PARK7: variants seen among roughly 807,000 people sequenced by gnomAD.
PARK7 encodes Parkinson disease protein 7.
In PARK7, 14 loss-of-function variants were observed where a neutral mutation model predicts 20.5. The ratio of observed to expected loss-of-function variants is 0.68; its 90% CI spans 0.45 to 1.07. The LOEUF (loss-of-function observed/expected upper bound fraction) is 1.07. PARK7 is among the 50% of genes least tolerant of loss of function. The pLI is 0.00. For synonymous variants in PARK7, 98 were observed against 84.3 expected (o/e 1.16, Z -0.89); for missense variants, 234 against 238.1 (o/e 0.98, Z 0.11).
At chr1:7,977,985 C>CT (rs34231723) in intron 6 of PARK7, among the ~76,000 whole-genome samples, 611 of 53,574 alleles carry the variant, frequency 0.011, 126 homozygotes, top group African/African-American at 0.018. Context: ...GTCTCAAACT[C>CT]TTTTTTTTTT....
chr1:7,975,928 G>A (rs1640576401), intron 5 of PARK7, among the ~76,000 whole-genome samples: 2 of 152,148 alleles, frequency 1.3e-5, no homozygotes. Context: ...ATACATAGCT[G>A]TCTTGTGTGT....
In PARK7 at chr1:7,984,796, G is replaced by T; in HGVS notation, c.410-98G>T. ...TTTTTGAATGGTTAGCTACAGTGTT[G>T]GGTTTATATGCTGTAATAGTGAATT... On this transcript the variant is annotated intron_variant, in intron 6 of 6. Coordinates refer to ENST00000338639, the MANE Select transcript of PARK7 (RefSeq NM_007262.5). The surrounding 1 kb of genome is among the most constrained non-coding windows in gnomAD (Gnocchi z 4.3). 1 of 1,413,452 alleles carries T rather than the reference G, an allele frequency of 7.1e-7. No individual in the cohort carries two copies. The highest frequency in any genetic ancestry group is 9.9e-7 in the Non-Finnish European group (1 of 1,005,214). 87.6% of individuals were successfully genotyped at this position (1,413,452 alleles called of 1,614,324 possible). A position where few individuals can be genotyped will look rare whatever the true frequency, so the allele number is the denominator to read the frequency against.
In PARK7 at chr1:7,978,400, T is replaced by C. The variant is rs1485560831; in HGVS notation, c.409+662T>C. On this transcript the variant is annotated intron_variant, in intron 6 of 6. Transcript: ENST00000338639. ...CCATATGCCTGTGTGTGGTTTTTTT[T>C]TTTTTTTTGAGATGGAGTCTCTCGC... 3.3e-5 allele frequency among the ~76,000 whole-genome samples: 5 copies of C among 149,952 alleles called. No homozygotes were observed. The East Asian group carries it at 8.0e-4, about 24-fold the overall frequency.
intron 2 of PARK7, among the ~76,000 whole-genome samples, chr1:7,964,543 T>C (rs1640286530): frequency 6.6e-6 from 1 of 152,204 alleles, no homozygotes; most frequent in Non-Finnish European, 1.5e-5. Flanking sequence ...GTAATACGTA[T>C]TCTTGTGTAG....
At chr1:7,964,700 A>C (rs939977701) in intron 2 of PARK7, among the ~76,000 whole-genome samples, 12 of 152,340 alleles carry the variant, frequency 7.9e-5, no homozygotes, top group Non-Finnish European at 1.2e-4. Context: ...CCAGCAGTGT[A>C]GGAAAATTCC....
chr1:7,969,154 C>A, intron 3 of PARK7, 191 bp from the exon 4 acceptor site: 5 of 566,294 alleles, frequency 8.8e-6, no homozygotes, highest in Non-Finnish European at 1.6e-5. Flanking sequence ...TACAGGTTTT[C>A]TGCATTTTTT....
At chr1:7,980,684 C>A (rs958497771) in intron 6 of PARK7, among the ~76,000 whole-genome samples, 1 of 152,142 alleles carries the variant, frequency 6.6e-6, no homozygotes, top group East Asian at 1.9e-4. Flanking sequence ...TCAGTAACCT[C>A]TATTATAAGA....
chr1:7,969,440 T>TG lies in PARK7; in HGVS notation c.252+46dup, dbSNP rs147617838. On this transcript the variant is annotated intron_variant, in intron 4 of 6. Coordinates refer to ENST00000338639, the MANE Select transcript of PARK7 (RefSeq NM_007262.5). ...CTACTCAATTATACCTCAATAAAGCTGGGGGGGGGGAAAAACTAAAGAATT... is the reference window on the plus strand; with the variant it reads ...CTACTCAATTATACCTCAATAAAGCTGGGGGGGGGGGAAAAACTAAAGAATT... 5,940 of 787,580 alleles carry TG rather than the reference T, an allele frequency of 7.5e-3. 12 individuals carry two copies. Among genetic ancestry groups the TG allele is most frequent in the South Asian group, 0.034 (2,128 of 61,916 alleles). 48.8% of individuals were successfully genotyped at this position (787,580 alleles called of 1,614,324 possible).
intron 6 of PARK7, among the ~76,000 whole-genome samples, chr1:7,979,911 C>G (rs1331056868): frequency 1.3e-5 from 2 of 152,122 alleles, no homozygotes; most frequent in East Asian, 3.8e-4. Flanking sequence ...AATCCCAGCA[C>G]TTGGGGAGGC....
chr1:7,975,200 C>A (rs548838729), intron 5 of PARK7, among the ~76,000 whole-genome samples: 1 of 152,252 alleles, frequency 6.6e-6, no homozygotes, highest in Admixed American at 6.5e-5. Context: ...ACATTTTGAA[C>A]ACAAAGAATA....
chr1:7,968,314 A>G (rs957556434), intron 3 of PARK7, among the ~76,000 whole-genome samples: 10 of 151,098 alleles, frequency 6.6e-5, no homozygotes, highest in Non-Finnish European at 1.2e-4. Context: ...AAAAAAAAAA[A>G]AAAAGAAAAG....
chr1:7,979,019 T>A (rs1640654619), intron 6 of PARK7, among the ~76,000 whole-genome samples: 1 of 152,168 alleles, frequency 6.6e-6, no homozygotes, highest in African/African-American at 2.4e-5. Context: ...CATGTAGATT[T>A]AGATTTGCTT....
At chr1:7,982,685 G>T (rs1352801258) in intron 6 of PARK7, among the ~76,000 whole-genome samples, 1 of 152,194 alleles carries the variant, frequency 6.6e-6, no homozygotes, top group Admixed American at 6.5e-5. Flanking sequence ...CGCTCTGGAA[G>T]ACCTAGCCCA....
At chr1:7,977,495 G>A (rs1423584211) in intron 5 of PARK7, among the ~76,000 whole-genome samples, 157 bp from the exon 6 acceptor site, 1 of 152,082 alleles carries the variant, frequency 6.6e-6, no homozygotes, top group East Asian at 1.9e-4. Flanking sequence ...GTGTTGCCCA[G>A]GCTGATGTTG....
At chr1:7,973,235 C>G (rs1640501701) in intron 5 of PARK7, among the ~76,000 whole-genome samples, 1 of 152,198 alleles carries the variant, frequency 6.6e-6, no homozygotes, top group South Asian at 2.1e-4. Context: ...GCCTTTTGAC[C>G]TGCCCTGAGG....
At chr1:7,978,385 G>GTT (rs1288735628) in intron 6 of PARK7, among the ~76,000 whole-genome samples, 7 of 113,346 alleles carry the variant, frequency 6.2e-5, no homozygotes, top group African/African-American at 2.7e-4. Context: ...CCATATGCCT[G>GTT]TGTGTGGTTT....
In PARK7 at chr1:7,962,842, G is replaced by A. The variant is rs777350692; in HGVS notation, c.57G>A (p.Thr19=). ...ILAKGAEEME[T]VIPVDVMRRA... ...CTAAAGGAGCAGAGGAAATGGAGAC[G>A]GTCATCCCTGTAGATGTCATGAGGC... is the stretch of plus-strand genomic sequence containing the variant. The change falls in exon 2 of 7, where the codon ACG becomes ACA. Residue 19 remains threonine (T), a synonymous_variant. Coordinates refer to ENST00000338639, the MANE Select transcript of PARK7 (RefSeq NM_007262.5). 8 of 1,613,094 alleles carry A rather than the reference G, an allele frequency of 5.0e-6. No individual in the cohort carries two copies. The highest frequency in any genetic ancestry group is 2.7e-5 in the African/African-American group (2 of 74,594).
In PARK7 at chr1:7,962,710, C is replaced by T. The variant is rs549324082; in HGVS notation, c.-23-53C>T. 14 of 1,188,052 alleles carry T rather than the reference C, an allele frequency of 1.2e-5. 1 individual carries two copies. In the South Asian group the frequency reaches 1.8e-4, roughly 15 times the overall value. 73.6% of individuals were successfully genotyped at this position (1,188,052 alleles called of 1,614,324 possible). A position where few individuals can be genotyped will look rare whatever the true frequency, so the allele number is the denominator to read the frequency against. On this transcript the variant is annotated intron_variant, in intron 1 of 6. Coordinates refer to ENST00000338639, the MANE Select transcript of PARK7 (RefSeq NM_007262.5). ...TCCTAAACTTTAAATTTTGGGGTAT[C>T]TCAGGGTTGCAATGAAAGTTTTTTG...
intron 3 of PARK7, among the ~76,000 whole-genome samples, chr1:7,966,415 A>G (rs778090612): frequency 6.6e-6 from 1 of 151,966 alleles, no homozygotes; most frequent in Non-Finnish European, 1.5e-5. Flanking sequence ...TAAGTATTCC[A>G]GGCCAAGTGC....
Sources: allele counts gnomAD v4.1 joint callset (sites outside exome capture counted in the v4.1 genomes callset), GRCh38; gene constraint gnomAD v4.1.1; non-coding constraint Gnocchi (gnomAD v3.1); transcripts MANE v1.5; gene names NCBI Gene and HGNC (gene_info 2026-07-23, HGNC 2026-07-21).